The following INSL6 variants were observed in gnomAD, a reference collection of about 807,000 sequenced individuals.
INSL6 encodes the protein insulin-like peptide INSL6.
In INSL6, 16 loss-of-function variants were observed where a neutral mutation model predicts 9.4. The observed-to-expected ratio is 1.70, with a 90% confidence interval of 1.15 to 2.59. The LOEUF is 2.59. Among genes scored for constraint, INSL6 ranks in the 30% most tolerant of loss-of-function variants. The probability of loss-of-function intolerance (pLI) is 0.00; values close to 1 mark genes in which losing one functional copy is unlikely to be tolerated. For missense variants in INSL6, 391 were observed against 257.3 expected, an observed-to-expected ratio of 1.52 and a Z score of -3.56; for synonymous variants, 154 against 96.9, an observed-to-expected ratio of 1.59 and a Z score of -3.46.
the INSL6 span, chr9:5,041,886 C>T: frequency 1.3e-4 from 56 of 426,254 alleles, 1 homozygote; most frequent in African/African-American, 4.8e-4. Flanking sequence ...CAGCGCCCAT[C>T]AGGGCGCCTG....
the INSL6 span, chr9:5,085,233 G>C: frequency 1.5e-6 from 1 of 670,656 alleles, no homozygotes; most frequent in East Asian, 3.4e-5. Context: ...AGGCAAATAG[G>C]ACAGGACCAG....
the INSL6 span, chr9:5,090,522 A>G: frequency 6.3e-7 from 1 of 1,596,052 alleles, no homozygotes; most frequent in East Asian, 2.3e-5. Context: ...AACATAAAGA[A>G]CGGATAGATC....
At chr9:5,089,869 C>G in the INSL6 span, 2 of 1,454,304 alleles carry the variant, frequency 1.4e-6, no homozygotes, top group South Asian at 1.6e-5. Flanking sequence ...TGCTGGTAAG[C>G]TGCCCATTGA....
At chr9:5,116,445 G>C in the INSL6 span, among the ~76,000 whole-genome samples, 2 of 152,154 alleles carry the variant, frequency 1.3e-5, no homozygotes, top group Non-Finnish European at 2.9e-5. Flanking sequence ...TAGGGTATGA[G>C]TGAAACTAAA....
chr9:5,076,547 G>A, the INSL6 span, among the ~76,000 whole-genome samples: 24 of 152,012 alleles, frequency 1.6e-4, no homozygotes, highest in Non-Finnish European at 2.9e-4. Flanking sequence ...AAGATATAAC[G>A]CTGTTGCACA....
At chr9:5,112,812 G>A in the INSL6 span, 1 of 551,766 alleles carries the variant, frequency 1.8e-6, no homozygotes, top group Non-Finnish European at 2.9e-6. Context: ...GCCCACCTGG[G>A]CTTGAGTGAA....
chr9:5,169,351 C>T (rs554889781), intron 1 of INSL6, among the ~76,000 whole-genome samples: 88 of 152,282 alleles, frequency 5.8e-4, no homozygotes, highest in Middle Eastern at 3.4e-3. Flanking sequence ...ACCAGACCTG[C>T]CTTGCAAGAG....
At chr9:5,075,603 C>T in the INSL6 span, among the ~76,000 whole-genome samples, 50,730 of 151,988 alleles carry the variant, frequency 0.33, 9,057 homozygotes, top group African/African-American at 0.47. Flanking sequence ...ATTGTTGAGA[C>T]CTGCTCAGAA....
the INSL6 span, among the ~76,000 whole-genome samples, chr9:5,018,372 G>C: frequency 6.6e-6 from 1 of 152,034 alleles, no homozygotes; most frequent in African/African-American, 2.4e-5. Context: ...CTCTTGTTCT[G>C]TCCTCCAGGC....
At chr9:5,003,123 G>C in the INSL6 span, among the ~76,000 whole-genome samples, 1 of 151,822 alleles carries the variant, frequency 6.6e-6, no homozygotes, top group Non-Finnish European at 1.5e-5. Flanking sequence ...CAATCTGCTT[G>C]TTCTATCTTT....
the INSL6 span, chr9:5,091,181 TA>T: frequency 7.9e-6 from 2 of 254,728 alleles, no homozygotes; most frequent in East Asian, 1.7e-4. Context: ...TATTGAGGCT[TA>T]GGGGTAATTA....
At chr9:5,083,897 T>C in the INSL6 span, among the ~76,000 whole-genome samples, 1 of 152,204 alleles carries the variant, frequency 6.6e-6, no homozygotes, top group Non-Finnish European at 1.5e-5. Context: ...TTTCTTTCAA[T>C]AGTGAAACCA....
downstream of INSL6, among the ~76,000 whole-genome samples, chr9:5,163,171 T>A (rs1028127147): frequency 6.6e-6 from 1 of 152,136 alleles, no homozygotes; most frequent in Non-Finnish European, 1.5e-5. Flanking sequence ...TCTGATTCAG[T>A]AGGTTTGAGG....
downstream of INSL6, chr9:5,123,006 A>T (rs199942090): frequency 2.7e-5 from 43 of 1,600,952 alleles, no homozygotes; most frequent in Non-Finnish European, 8.5e-7. Context: ...ATTTACAGGT[A>T]TGCTCCAGAA....
the INSL6 span, among the ~76,000 whole-genome samples, chr9:5,023,062 T>TGTTAACTATAGTCA: frequency 1.3e-5 from 2 of 152,250 alleles, no homozygotes; most frequent in Admixed American, 1.3e-4. Context: ...AATACATTGT[T>TGTTAACTATAGTCA]GTTAACTATA....
the INSL6 span, among the ~76,000 whole-genome samples, chr9:5,092,446 G>C: frequency 3.6e-4 from 55 of 152,266 alleles, no homozygotes; most frequent in African/African-American, 1.3e-3. Flanking sequence ...CTTACACCCG[G>C]AAGATTTCAT....
At chr9:5,007,116 C>A in the INSL6 span, among the ~76,000 whole-genome samples, 3 of 151,626 alleles carry the variant, frequency 2.0e-5, no homozygotes, top group Non-Finnish European at 4.4e-5. Flanking sequence ...TTTTATTTTT[C>A]TCTGATTTCT....
Position 5,128,083 on chromosome 9 carries a change from TGTG to T in INSL6, c.*11-3575_*11-3573del, listed in dbSNP as rs1564031380. On this transcript the variant is annotated intron_variant, in intron 3 of 3. Coordinates refer to the INSL6 transcript ENST00000649639. ...CTAAAATAAAATATGGTGGGTTTTG[TGTG>T]TGTGTGTGTGTGTGTGTGTGTGTGT... The T allele has an allele frequency of 0.019, 102 of 5,428 alleles. No homozygotes were observed. In the East Asian group the frequency reaches 0.3, roughly 16 times the overall value. The allele number at this position is 5,428 out of a possible 1,614,324, so 0.3% of individuals were successfully genotyped here.
chr9:5,112,804 C>T, the INSL6 span: 5 of 547,608 alleles, frequency 9.1e-6, no homozygotes, highest in Admixed American at 1.5e-4. Context: ...TTTCAGCTGC[C>T]CACCTGGGCT....
Sources: gnomAD v4.1 joint callset for allele counts (sites outside exome capture counted in the v4.1 genomes callset) on GRCh38, gnomAD v4.1.1 for gene constraint, MANE v1.5 for transcripts, NCBI Gene and HGNC (gene_info 2026-07-23, HGNC 2026-07-21) for gene names.